The following WFDC2 variants were observed in gnomAD, a reference collection of about 807,000 sequenced individuals.
The protein encoded by WFDC2 is WAP four-disulfide core domain 2, also known as WAP four-disulfide core domain protein 2.
Under a neutral mutation model 12.5 loss-of-function variants are expected in WFDC2, and 8 were observed. The observed-to-expected ratio is 0.64, with a 90% CI of 0.37 to 1.15. The LOEUF (loss-of-function observed/expected upper bound fraction) is 1.15. Among genes scored for constraint, WFDC2 ranks in the 50% most tolerant of loss-of-function variants. The probability of loss-of-function intolerance (pLI) is 0.01; values close to 1 mark genes in which losing one functional copy is unlikely to be tolerated. For missense variants in WFDC2, 166 were observed against 159.9 expected (o/e 1.04, Z -0.21); for synonymous variants, 74 against 67.2 (o/e 1.10, Z -0.49).
chr20:45,469,893 A>C (rs764838282), intron 1 of WFDC2, 33 bp downstream of exon 1: 1 of 1,567,438 alleles, frequency 6.4e-7, no homozygotes, highest in African/African-American at 1.4e-5. Flanking sequence ...CGGCGCCTAG[A>C]GGGGCCGAGC....
At chr20:45,471,006 A>G in intron 2 of WFDC2, 1 of 390,828 alleles carries the variant, frequency 2.6e-6, no homozygotes, top group South Asian at 1.9e-5. Context: ...CCAGGCGGAA[A>G]GGAACTTTAC....
intron 2 of WFDC2, chr20:45,471,344 G>T: frequency 2.9e-6 from 1 of 341,336 alleles, no homozygotes; most frequent in Non-Finnish European, 6.0e-6. Context: ...AAACAGCATG[G>T]AATCTCAGCT....
At chr20:45,479,834 G>A (rs1315646285) in intron 2 of WFDC2, 108 bp from the exon 3 acceptor site, 1 of 1,613,750 alleles carries the variant, frequency 6.2e-7, no homozygotes, top group African/African-American at 1.3e-5. Context: ...AGGCAGCTCT[G>A]CTGTATGTGA....
rs1991149539 is a variant in WFDC2, at chr20:45,470,237, G to C, written c.80-152G>C. 8.6e-7 allele frequency: 1 copy of C among 1,157,346 alleles called. No homozygotes were observed. The highest frequency in any genetic ancestry group is 1.2e-6 in the Non-Finnish European group (1 of 846,664). The allele number at this position is 1,157,346 out of a possible 1,614,324, so 71.7% of individuals were successfully genotyped here. A position where few individuals can be genotyped will look rare whatever the true frequency, so the allele number is the denominator to read the frequency against. ...GTACTCCCAGGGGTCAGGGACTCCTGGTCTGGAAGAAGGAGTCTCTGGGGG... is the reference window on the plus strand; with the variant it reads ...GTACTCCCAGGGGTCAGGGACTCCTCGTCTGGAAGAAGGAGTCTCTGGGGG... On this transcript the variant is annotated intron_variant, in intron 1 of 3. Coordinates refer to ENST00000372676, the MANE Select transcript of WFDC2 (RefSeq NM_006103.4). This position sits in a 1 kb window ranked among gnomAD's most constrained non-coding sequence, Gnocchi z 5.4.
At chr20:45,473,666 G>A (rs1209403094) in intron 2 of WFDC2, among the ~76,000 whole-genome samples, 1 of 152,122 alleles carries the variant, frequency 6.6e-6, no homozygotes, top group East Asian at 1.9e-4. Context: ...GGCTATGTGG[G>A]CTTTTATTTG....
At chr20:45,472,197 C>T (rs1991180983) in intron 2 of WFDC2, among the ~76,000 whole-genome samples, 1 of 152,082 alleles carries the variant, frequency 6.6e-6, no homozygotes, top group Non-Finnish European at 1.5e-5. Context: ...TATACATGTG[C>T]CATGGTGGTT....
chr20:45,472,626 A>G (rs1045242252), intron 2 of WFDC2, among the ~76,000 whole-genome samples: 6 of 151,690 alleles, frequency 4.0e-5, no homozygotes, highest in African/African-American at 1.5e-4. Context: ...AGTCTTTGCT[A>G]TTGTGAACAG....
rs201546471 is a variant in WFDC2, at chr20:45,480,487, C to T, written c.*1+393C>T. ...AAAAAAAATTTAATGGGTGTGGTGG[C>T]GGGTGCCACCCACCCGCTACTCAGG... On this transcript the variant is annotated intron_variant, in intron 3 of 3. Transcript: ENST00000372676. 2.6e-4 allele frequency among the ~76,000 whole-genome samples: 39 copies of T among 150,466 alleles called. No homozygotes were observed. The East Asian group carries it at 6.8e-3, about 26-fold the overall frequency.
In WFDC2 at chr20:45,481,352, T is replaced by C. The variant is rs2272954; in HGVS notation, c.*2-19T>C. 0.025 allele frequency: 3,822 copies of C among 152,236 alleles called. 180 individuals carry two copies. The highest frequency in any genetic ancestry group is 0.19 in the East Asian group (969 of 5,170). 9.4% of individuals were successfully genotyped at this position (152,236 alleles called of 1,614,324 possible). A position where few individuals can be genotyped will look rare whatever the true frequency, so the allele number is the denominator to read the frequency against. On this transcript the variant is annotated intron_variant, in intron 3 of 3. Transcript: ENST00000372676. ...TGGATATTGTTGTTGATGGTATTGT[T>C]ATAATTTTCTTCCTCCAGCTCCAGC...
Position 45,470,162 on chromosome 20 carries a change from C to T in WFDC2, c.80-227C>T, listed in dbSNP as rs1337375662. Among the ~76,000 whole-genome samples, 1 of 152,096 alleles carries T rather than the reference C, an allele frequency of 6.6e-6. No individual in the cohort carries two copies. Among genetic ancestry groups the T allele is most frequent in the Non-Finnish European group, 1.5e-5 (1 of 68,006 alleles). On this transcript the variant is annotated intron_variant, in intron 1 of 3. Coordinates refer to ENST00000372676, the MANE Select transcript of WFDC2 (RefSeq NM_006103.4). This position sits in a 1 kb window ranked among gnomAD's most constrained non-coding sequence, Gnocchi z 5.4. ...CCGAGACGCTCAGCTGTGCGGCGTC[C>T]CCTAGGGCTGAGATCTGAGGGCCCC... is the stretch of plus-strand genomic sequence containing the variant.
chr20:45,478,850 C>T (rs1308473589), intron 2 of WFDC2, among the ~76,000 whole-genome samples: 1 of 152,180 alleles, frequency 6.6e-6, no homozygotes, highest in Non-Finnish European at 1.5e-5. Flanking sequence ...GATGATCCCA[C>T]CCGCCTGAGC....
intron 2 of WFDC2, among the ~76,000 whole-genome samples, chr20:45,473,821 A>G (rs1991201664): frequency 6.6e-6 from 1 of 152,078 alleles, no homozygotes; most frequent in South Asian, 2.1e-4. Flanking sequence ...ATGAGCATGG[A>G]TTGTTTTTCC....
chr20:45,475,007 G>A (rs1991215986), intron 2 of WFDC2, among the ~76,000 whole-genome samples: 1 of 152,208 alleles, frequency 6.6e-6, no homozygotes, highest in African/African-American at 2.4e-5. Context: ...TTGTATTTCT[G>A]TGGGATCAGT....
At chr20:45,479,766 G>A (rs1323722577) in intron 2 of WFDC2, 176 bp from the exon 3 acceptor site, 4 of 1,613,778 alleles carry the variant, frequency 2.5e-6, no homozygotes, top group Non-Finnish European at 8.5e-7. Context: ...GGAGGGATTT[G>A]CAGGTGATCT....
Position 45,479,999 on chromosome 20 carries a change from G to A in WFDC2, c.281G>A (p.Arg94Gln), listed in dbSNP as rs202089413. The A allele has an allele frequency of 1.7e-5, 27 of 1,614,096 alleles. 1 individual carries two copies. The Admixed American group carries it at 2.8e-4, about 17-fold the overall frequency. The change falls in exon 3 of 4, where the codon CGG (arginine) becomes CAG (glutamine). Residue 94 changes from arginine (R) to glutamine (Q), a missense_variant. Coordinates refer to ENST00000372676, the MANE Select transcript of WFDC2 (RefSeq NM_006103.4). Reference protein sequence around the residue: ...NINFPQLGLCRDQCQVDSQCP... With the variant: ...NINFPQLGLCQDQCQVDSQCP... ...AACTTTCCCCAGCTCGGCCTCTGTC[G>A]GGACCAGTGCCAGGTGGACAGCCAG...
intron 2 of WFDC2, among the ~76,000 whole-genome samples, chr20:45,475,065 CTCTTT>C (rs1346064063): frequency 2.0e-5 from 3 of 152,040 alleles, no homozygotes; most frequent in African/African-American, 7.2e-5. Flanking sequence ...TGATTCTTCT[CTCTTT>C]TCTTTATTAG....
rs776836655 is a variant in WFDC2, at chr20:45,480,080, C to T, written c.362C>T (p.Thr121Ile). The T allele has an allele frequency of 6.2e-7, 1 of 1,613,914 alleles. No homozygotes were observed. Among genetic ancestry groups the T allele is most frequent in the Non-Finnish European group, 8.5e-7 (1 of 1,179,908 alleles). ...RNGCGKVSCV[T>I]PNF ...GGCTGTGGGAAGGTGTCCTGTGTCACTCCCAATTTCTGAGGTAAGTGAACG... is the reference window on the plus strand; with the variant it reads ...GGCTGTGGGAAGGTGTCCTGTGTCATTCCCAATTTCTGAGGTAAGTGAACG... The change falls in exon 3 of 4, where the codon ACT becomes ATT. Residue 121 changes from threonine to isoleucine, a missense_variant. Thr to Ile is a moderately conservative substitution (Grantham distance 89). Transcript: ENST00000372676.
chr20:45,471,912 ACT>A (rs1251951987), intron 2 of WFDC2, among the ~76,000 whole-genome samples: 1 of 152,108 alleles, frequency 6.6e-6, no homozygotes, highest in Non-Finnish European at 1.5e-5. Flanking sequence ...ATAATTCCAA[ACT>A]CTATAGGATT....
intron 2 of WFDC2, among the ~76,000 whole-genome samples, chr20:45,478,377 C>T (rs1052895076): frequency 9.2e-5 from 14 of 152,138 alleles, no homozygotes; most frequent in East Asian, 1.9e-4. Flanking sequence ...CTATTCCTCA[C>T]GGCACAGTCC....
Sources: gnomAD v4.1 joint callset for allele counts (sites outside exome capture counted in the v4.1 genomes callset) on GRCh38, gnomAD v4.1.1 for gene constraint, Gnocchi (gnomAD v3.1) non-coding constraint, MANE v1.5 for transcripts, NCBI Gene and HGNC (gene_info 2026-07-23, HGNC 2026-07-21) for gene names.